Variants in AK9 observed in about 807,000 individuals in gnomAD.
The protein encoded by AK9 is adenylate kinase 9.
A neutral mutation model predicts 239.6 loss-of-function variants in AK9; 191 were observed. The observed-to-expected ratio is 0.80, with a 90% CI of 0.71 to 0.90. The LOEUF (loss-of-function observed/expected upper bound fraction) is 0.90. Among genes scored for constraint, AK9 ranks in the 40% least tolerant of loss-of-function variants. The pLI, the probability that AK9 is intolerant of heterozygous loss-of-function variation, is 0.00. For missense variants in AK9, 1,995 were observed against 2,214.7 expected (o/e 0.90, Z 1.99); for synonymous variants, 689 against 721.0 (o/e 0.96, Z 0.71).
intron 12 of AK9, among the ~76,000 whole-genome samples, chr6:109,620,635 C>T (rs1214811785): frequency 6.6e-6 from 1 of 151,956 alleles, no homozygotes; most frequent in Non-Finnish European, 1.5e-5. Flanking sequence ...TAGGCTTACA[C>T]TGTTTTATTC....
chr6:109,586,380 C>T (rs1000051448), intron 17 of AK9, among the ~76,000 whole-genome samples: 10 of 152,142 alleles, frequency 6.6e-5, no homozygotes, highest in South Asian at 2.1e-4. Context: ...TGTGCCACTG[C>T]ACCAGTGTCA....
intron 3 of AK9, among the ~76,000 whole-genome samples, chr6:109,673,030 T>C (rs917803089): frequency 5.9e-5 from 9 of 152,122 alleles, no homozygotes; most frequent in Admixed American, 5.9e-4. Flanking sequence ...AAAGAGGAAA[T>C]GTATCATTCC....
At chr6:109,500,507 G>A (rs1263281105) in intron 35 of AK9, among the ~76,000 whole-genome samples, 3 of 152,118 alleles carry the variant, frequency 2.0e-5, no homozygotes, top group African/African-American at 4.8e-5. Flanking sequence ...GTTAGTTGTC[G>A]TTTTACCAAG....
chr6:109,660,881 C>A, intron 6 of AK9: 1 of 446,134 alleles, frequency 2.2e-6, no homozygotes, highest in Non-Finnish European at 4.4e-6. Context: ...GGAACTGGGA[C>A]CACTCTCTGA....
chr6:109,635,438 T>C (rs1796600198), intron 10 of AK9, among the ~76,000 whole-genome samples: 1 of 152,138 alleles, frequency 6.6e-6, no homozygotes, highest in African/African-American at 2.4e-5. Flanking sequence ...TTGGAAATCT[T>C]TGAAAGAAGG....
intron 17 of AK9, among the ~76,000 whole-genome samples, chr6:109,603,767 G>A (rs546688214): frequency 8.2e-4 from 125 of 152,280 alleles, no homozygotes; most frequent in South Asian, 1.2e-3. Flanking sequence ...AAGCCTCAGC[G>A]ATGGCAGGCG....
In AK9 at chr6:109,546,047, T is replaced by C. The variant is rs747653483; in HGVS notation, c.3045A>G (p.Leu1015=). ...TMCGRQLAEK[L]NIFHIQFEEV... is the part of the protein sequence containing the mutation. ...CTTCAAACTGAATGTGAAAAATGTT[T>C]AATTTTTCTGCCAACTGTCTTCCAC... Residue 1015 remains leucine (L), a synonymous_variant, in exon 26 of 41, where the codon TTA becomes TTG. Coordinates refer to ENST00000424296, the MANE Select transcript of AK9 (RefSeq NM_001145128.3). 3.7e-6 allele frequency: 6 copies of C among 1,611,674 alleles called. No homozygotes were observed. The highest frequency in any genetic ancestry group is 2.5e-6 in the Non-Finnish European group (3 of 1,178,568).
chr6:109,600,043 T>C (rs1487895558), intron 17 of AK9, among the ~76,000 whole-genome samples: 5 of 152,334 alleles, frequency 3.3e-5, no homozygotes, highest in South Asian at 4.1e-4. Context: ...TTTGATTTCC[T>C]CTTTTCCTAA....
intron 17 of AK9, among the ~76,000 whole-genome samples, chr6:109,607,098 G>C (rs1426955190): frequency 2.0e-5 from 3 of 151,762 alleles, no homozygotes; most frequent in Non-Finnish European, 4.4e-5. Flanking sequence ...TTTAATGGGA[G>C]GCACAGTTTT....
chr6:109,579,844 T>G (rs1788594193), intron 19 of AK9, among the ~76,000 whole-genome samples: 1 of 152,224 alleles, frequency 6.6e-6, no homozygotes, highest in Non-Finnish European at 1.5e-5. Context: ...AAACTTTGTC[T>G]ATTAATTAGG....
chr6:109,665,498 C>A (rs993373719), intron 5 of AK9, among the ~76,000 whole-genome samples: 2 of 152,208 alleles, frequency 1.3e-5, no homozygotes, highest in Non-Finnish European at 2.9e-5. Flanking sequence ...TCTGGCTCCA[C>A]ACCACCCTCA....
intron 12 of AK9, among the ~76,000 whole-genome samples, chr6:109,625,021 C>T (rs926109098): frequency 4.0e-5 from 6 of 151,774 alleles, no homozygotes; most frequent in Non-Finnish European, 5.9e-5. Flanking sequence ...TTTCAAAGGA[C>T]TCTTTTTGTT....
Position 109,494,019 on chromosome 6 carries a change from C to T in AK9, c.5495G>A (p.Arg1832Lys). The part of the protein sequence containing the change: ...LKPKFPFLSI[R>K]RSALLYIALH... Reference sequence around the variant, plus strand: ...TGCTATATATAGCAGTGCAGATCTCCTTATACTTAAAAAGGGGAACTTGGG... The same window carrying T: ...TGCTATATATAGCAGTGCAGATCTCTTTATACTTAAAAAGGGGAACTTGGG... Residue 1832 changes from arginine (R) to lysine (K), a missense_variant, in exon 40 of 41, where the codon AGG (arginine) becomes AAG (lysine). Coordinates refer to ENST00000424296, the MANE Select transcript of AK9 (RefSeq NM_001145128.3). The T allele has an allele frequency of 6.2e-7, 1 of 1,613,122 alleles. No homozygotes were observed. Among genetic ancestry groups the T allele is most frequent in the South Asian group, 1.1e-5 (1 of 90,990 alleles).
intron 40 of AK9, 42 bp downstream of exon 40, chr6:109,493,939 G>A (rs764726864): frequency 7.1e-7 from 1 of 1,413,406 alleles, no homozygotes; most frequent in Non-Finnish European, 9.9e-7. Flanking sequence ...TACCATTAAT[G>A]TTAAATTTGT....
chr6:109,656,651 TCAGA>T (rs1438605166), intron 8 of AK9, 101 bp downstream of exon 8: 3 of 1,272,734 alleles, frequency 2.4e-6, no homozygotes, highest in Non-Finnish European at 3.2e-6. Context: ...AAGGGGAGAA[TCAGA>T]CAGATAATAA....
At position 109,549,963 on chromosome 6, in the gene AK9, C is replaced by T. The variant is rs991332291; in HGVS notation, c.2964+127G>A. The T allele has an allele frequency of 8.4e-6, 9 of 1,069,980 alleles. No homozygotes were observed. In the African/African-American group the frequency reaches 1.3e-4, roughly 15 times the overall value. 66.3% of individuals were successfully genotyped at this position (1,069,980 alleles called of 1,614,324 possible). ...ACAGGCGTGAGCCACCGCGCCCGGCCTAGATATTTTCTTTATATTGTAATA... is the reference window on the plus strand; with the variant it reads ...ACAGGCGTGAGCCACCGCGCCCGGCTTAGATATTTTCTTTATATTGTAATA... On this transcript the variant is annotated intron_variant, in intron 25 of 40. Coordinates refer to ENST00000424296, the MANE Select transcript of AK9 (RefSeq NM_001145128.3).
rs1779227179 is a variant in AK9 at position 109,515,860 on chromosome 6, T to A, written c.4062A>T (p.Val1354=). The A allele has an allele frequency of 6.5e-7, 1 of 1,549,978 alleles. No homozygotes were observed. Among genetic ancestry groups the A allele is most frequent in the Non-Finnish European group, 8.7e-7 (1 of 1,145,558 alleles). ...CAGGTGCGTTTGCTGAAATTACCTT[T>A]ACAGGGTCCCAATAGCCGAATGAGC... ...YISSFGYWDP[V]KLSEGETIKP... The change falls in exon 31 of 41, where the codon GTA becomes GTT. Residue 1354 remains valine, a synonymous_variant. Coordinates refer to ENST00000424296, the MANE Select transcript of AK9 (RefSeq NM_001145128.3).
At chr6:109,621,913 CAA>C (rs758683676) in intron 12 of AK9, among the ~76,000 whole-genome samples, 3 of 70,298 alleles carry the variant, frequency 4.3e-5, no homozygotes, top group African/African-American at 6.3e-5. Context: ...AAAAAAAAAA[CAA>C]AAAAAAAACA....
chr6:109,497,360 ACACTCTCT>A lies in AK9; in HGVS notation c.5315+97_5315+104del, dbSNP rs1362560480. On this transcript the variant is annotated intron_variant, in intron 38 of 40. Coordinates refer to ENST00000424296, the MANE Select transcript of AK9 (RefSeq NM_001145128.3). ...CACACACACACACACACACACACAC[ACACTCTCT>A]CTCTCTCTCTCTCTCTCACACACTC... The A allele has an allele frequency of 1.3e-5, 7 of 557,786 alleles. No homozygotes were observed. The African/African-American group carries it at 1.7e-4, about 13-fold the overall frequency. The allele number at this position is 557,786 out of a possible 1,614,324, so 34.6% of individuals were successfully genotyped here.
Sources: allele counts gnomAD v4.1 joint callset (sites outside exome capture counted in the v4.1 genomes callset), GRCh38; gene constraint gnomAD v4.1.1; transcripts MANE v1.5; gene names NCBI Gene and HGNC (gene_info 2026-07-23, HGNC 2026-07-21).